Variants in SSH2 observed in about 807,000 individuals in gnomAD.
SSH2 encodes protein phosphatase Slingshot homolog 2.
SSH2 carries 37 observed loss-of-function variants against 135.2 expected under a neutral mutation model. The observed-to-expected ratio is 0.27, with a 90% CI of 0.21 to 0.36. The LOEUF (loss-of-function observed/expected upper bound fraction) is 0.36, where lower values mean the gene tolerates loss of function less well. Among genes scored for constraint, SSH2 ranks in the 10% least tolerant of loss-of-function variants. The probability of loss-of-function intolerance (pLI) is 1.00; values close to 1 mark genes in which losing one functional copy is unlikely to be tolerated. For missense variants in SSH2, 1,408 were observed against 1,765.3 expected, an observed-to-expected ratio of 0.80 and a Z score of 3.63; for synonymous variants, 628 against 646.2, an observed-to-expected ratio of 0.97 and a Z score of 0.43.
At chr17:29,852,371 A>C (rs1003926850) in intron 1 of SSH2, among the ~76,000 whole-genome samples, 4 of 151,948 alleles carry the variant, frequency 2.6e-5, no homozygotes, top group African/African-American at 9.7e-5. Context: ...TCATCAATTG[A>C]AACAATTCAT....
intron 1 of SSH2, among the ~76,000 whole-genome samples, chr17:29,920,212 T>C (rs2066952202): frequency 6.6e-6 from 1 of 152,190 alleles, no homozygotes; most frequent in Non-Finnish European, 1.5e-5. Context: ...TCAGGAGTGA[T>C]ATTTAATGGT....
chr17:29,786,616 C>G (rs985122257), intron 3 of SSH2, among the ~76,000 whole-genome samples: 1 of 151,912 alleles, frequency 6.6e-6, no homozygotes, highest in East Asian at 1.9e-4. Context: ...TCTTTTTATG[C>G]CTGTCTTCTG....
At chr17:29,684,816 T>G in intron 5 of SSH2, 132 bp from the exon 6 acceptor site, 1 of 750,396 alleles carries the variant, frequency 1.3e-6, no homozygotes. Flanking sequence ...AGACATAAAT[T>G]AAAATCTCAG....
chr17:29,770,163 G>A (rs963031672), intron 3 of SSH2, among the ~76,000 whole-genome samples: 3 of 141,750 alleles, frequency 2.1e-5, no homozygotes, highest in East Asian at 2.1e-4. Flanking sequence ...ACAGTGGTGC[G>A]ATCTCTGCTT....
intron 3 of SSH2, among the ~76,000 whole-genome samples, chr17:29,779,991 C>T (rs934364621): frequency 2.6e-5 from 4 of 151,844 alleles, no homozygotes; most frequent in East Asian, 1.9e-4. Context: ...GGGAGGCCGC[C>T]GGATCACCTG....
chr17:29,688,122 T>C (rs1462825709), intron 5 of SSH2, among the ~76,000 whole-genome samples: 1 of 151,784 alleles, frequency 6.6e-6, no homozygotes, highest in Non-Finnish European at 1.5e-5. Flanking sequence ...GCGGTTCTCC[T>C]GCCTCAGCCT....
intron 1 of SSH2, among the ~76,000 whole-genome samples, chr17:29,859,718 T>C (rs1567614247): frequency 6.6e-6 from 1 of 152,234 alleles, no homozygotes; most frequent in African/African-American, 2.4e-5. Flanking sequence ...GCTGATTCCA[T>C]GTCTTTGCTG....
intron 3 of SSH2, among the ~76,000 whole-genome samples, chr17:29,755,174 T>C (rs2041074639): frequency 6.6e-6 from 1 of 152,198 alleles, no homozygotes; most frequent in Non-Finnish European, 1.5e-5. Flanking sequence ...CAGCTTTTTG[T>C]TTTACTAAAA....
At chr17:29,727,532 GATGAACCAC>G (rs1222397354) in intron 3 of SSH2, among the ~76,000 whole-genome samples, 1 of 152,182 alleles carries the variant, frequency 6.6e-6, no homozygotes, top group African/African-American at 2.4e-5. Context: ...TTACGTTAAA[GATGAACCAC>G]AGGCTATCCC....
intron 11 of SSH2, among the ~76,000 whole-genome samples, chr17:29,657,369 A>C (rs1266694264): frequency 6.6e-6 from 1 of 151,518 alleles, no homozygotes; most frequent in East Asian, 2.0e-4. Context: ...TCTGGGGTTC[A>C]AGCGATTCTC....
chr17:29,636,887 C>G, intron 14 of SSH2, 85 bp from the exon 15 acceptor site: 1 of 964,356 alleles, frequency 1.0e-6, no homozygotes, highest in Non-Finnish European at 1.5e-6. Context: ...CCAGATAAAT[C>G]TTAACTTGTA....
intron 1 of SSH2, among the ~76,000 whole-genome samples, chr17:29,861,187 CTG>C (rs1285415417): frequency 6.6e-6 from 1 of 152,208 alleles, no homozygotes; most frequent in Admixed American, 6.5e-5. Flanking sequence ...TCTGTTCACT[CTG>C]TTGATAGTTT....
chr17:29,723,187 G>A (rs781635126), intron 3 of SSH2, among the ~76,000 whole-genome samples: 16 of 151,976 alleles, frequency 1.1e-4, no homozygotes, highest in Middle Eastern at 3.2e-3. Context: ...AAAAATCTGG[G>A]TGAGATGCAA....
At chr17:29,882,581 G>A (rs1355440003) in intron 1 of SSH2, among the ~76,000 whole-genome samples, 3 of 57,866 alleles carry the variant, frequency 5.2e-5, no homozygotes, top group Admixed American at 2.5e-4. Context: ...GTGAAACCTC[G>A]TCTCTATTAA....
chr17:29,900,060 G>A (rs898405818), intron 1 of SSH2, among the ~76,000 whole-genome samples: 14 of 152,258 alleles, frequency 9.2e-5, no homozygotes, highest in African/African-American at 3.1e-4. Flanking sequence ...AAATGGTGCT[G>A]GGAAAACTGG....
At chr17:29,794,628 T>C (rs1396284404) in intron 2 of SSH2, among the ~76,000 whole-genome samples, 1 of 152,220 alleles carries the variant, frequency 6.6e-6, no homozygotes, top group Non-Finnish European at 1.5e-5. Flanking sequence ...CACTGAATCA[T>C]AGTTCAATTA....
At chr17:29,725,925 G>A (rs2039989566) in intron 3 of SSH2, among the ~76,000 whole-genome samples, 1 of 152,124 alleles carries the variant, frequency 6.6e-6, no homozygotes, top group South Asian at 2.1e-4. Flanking sequence ...TTTAAAAAAA[G>A]CCAGGGAATC....
At chr17:29,898,399 GAA>G (rs1337474061) in intron 1 of SSH2, among the ~76,000 whole-genome samples, 1 of 151,764 alleles carries the variant, frequency 6.6e-6, no homozygotes, top group African/African-American at 2.4e-5. Flanking sequence ...TAATAAAGAA[GAA>G]AAGAGAGAAG....
chr17:29,782,688 C>T (rs192472867), intron 3 of SSH2, among the ~76,000 whole-genome samples: 5 of 152,062 alleles, frequency 3.3e-5, no homozygotes, highest in African/African-American at 1.2e-4. Context: ...TGGGTTCAAG[C>T]GATTCTCCTG....
Sources: gnomAD v4.1 joint callset for allele counts (sites outside exome capture counted in the v4.1 genomes callset) on GRCh38, gnomAD v4.1.1 for gene constraint, MANE v1.5 for transcripts, NCBI Gene and HGNC (gene_info 2026-07-23, HGNC 2026-07-21) for gene names.